TENM2: variants seen among roughly 807,000 people sequenced by gnomAD.
TENM2 encodes the protein teneurin transmembrane protein 2.
In TENM2, 52 loss-of-function variants were observed where a neutral mutation model predicts 245.2. The observed-to-expected ratio is 0.21, with a 90% CI of 0.17 to 0.27. TENM2 has a LOEUF of 0.27. Among genes scored for constraint, TENM2 ranks in the 10% least tolerant of loss-of-function variants. The probability of loss-of-function intolerance (pLI) is 1.00; values close to 1 mark genes in which losing one functional copy is unlikely to be tolerated. For synonymous variants in TENM2, 1,363 were observed against 1,438.9 expected, an observed-to-expected ratio of 0.95 and a Z score of 1.19; for missense variants, 3,046 against 3,666.8, an observed-to-expected ratio of 0.83 and a Z score of 4.37.
chr5:167,901,533 C>T (rs911966223), intron 3 of TENM2, among the ~76,000 whole-genome samples: 1 of 152,140 alleles, frequency 6.6e-6, no homozygotes. Flanking sequence ...GACTCCAACA[C>T]TTAACTAGCA....
chr5:167,094,833 T>C, the TENM2 span, among the ~76,000 whole-genome samples: 2 of 152,214 alleles, frequency 1.3e-5, no homozygotes, highest in Non-Finnish European at 2.9e-5. Context: ...TGAATTTCTC[T>C]GCAAAATGAA....
At position 168,261,902 on chromosome 5, in the gene TENM2, C is replaced by T. The variant is rs1768221139; in HGVS notation, c.7564-147C>T. On this transcript the variant is annotated intron_variant, in intron 28 of 28. Transcript: ENST00000518659. ...GTAATCAACCAGCCAACCATAGTTC[C>T]AAAAGGTAGGACTCCCAACAGCTCA... is the stretch of plus-strand genomic sequence containing the variant. The T allele has an allele frequency of 4.1e-6, 3 of 733,466 alleles. No individual in the cohort carries two copies. In the South Asian group the frequency reaches 5.9e-5, roughly 14 times the overall value. The allele number at this position is 733,466 out of a possible 1,614,324, so 45.4% of individuals were successfully genotyped here. A position where few individuals can be genotyped will look rare whatever the true frequency, so the allele number is the denominator to read the frequency against.
At chr5:167,876,286 G>C in intron 3 of TENM2, 91 bp downstream of exon 5, 1 of 1,111,670 alleles carries the variant, frequency 9.0e-7, no homozygotes, top group Non-Finnish European at 1.3e-6. Flanking sequence ...AACAAGGGCT[G>C]GGGGAAGGTG....
the TENM2 span, among the ~76,000 whole-genome samples, chr5:167,213,047 A>G: frequency 6.6e-5 from 10 of 152,258 alleles, no homozygotes; most frequent in African/African-American, 9.6e-5. Context: ...TTTTAAAGTT[A>G]GCAGACCAGA....
intron 2 of TENM2, among the ~76,000 whole-genome samples, chr5:167,778,545 G>GA (rs1763967392): frequency 6.6e-6 from 1 of 152,160 alleles, no homozygotes; most frequent in South Asian, 2.1e-4. Context: ...GTTTCAGCAA[G>GA]AGTGTTAGTG....
intron 2 of TENM2, among the ~76,000 whole-genome samples, chr5:167,513,840 A>G (rs1233348840): frequency 6.6e-6 from 1 of 152,192 alleles, no homozygotes; most frequent in Admixed American, 6.5e-5. Context: ...TAGCTGTGCT[A>G]TCGAGTTGGC....
chr5:167,510,367 A>G (rs1301438875), intron 2 of TENM2, among the ~76,000 whole-genome samples: 1 of 152,140 alleles, frequency 6.6e-6, no homozygotes, highest in African/African-American at 2.4e-5. Flanking sequence ...GCATTTTGTG[A>G]TGCTACTAGT....
chr5:167,714,087 G>A (rs1347358553), intron 2 of TENM2, among the ~76,000 whole-genome samples: 1 of 152,092 alleles, frequency 6.6e-6, no homozygotes, highest in African/African-American at 2.4e-5. Context: ...TCTGACTCAG[G>A]CTGTTCATGT....
intron 2 of TENM2, among the ~76,000 whole-genome samples, chr5:167,436,408 T>A (rs1352608667): frequency 6.6e-6 from 1 of 152,066 alleles, no homozygotes; most frequent in African/African-American, 2.4e-5. Flanking sequence ...AGCAAAGCAT[T>A]CAAGAGGTAA....
At chr5:167,056,784 TCTC>T in the TENM2 span, among the ~76,000 whole-genome samples, 765 of 149,770 alleles carry the variant, frequency 5.1e-3, 6 homozygotes, top group African/African-American at 0.017. Context: ...TTTTTTCTCT[TCTC>T]CTCCTCCTCC....
Position 167,996,782 on chromosome 5 carries a change from A to G in TENM2, c.1186+3600A>G, listed in dbSNP as rs372291755. 4.1e-4 allele frequency among the ~76,000 whole-genome samples: 63 copies of G among 152,216 alleles called. No homozygotes were observed. In the East Asian group the frequency reaches 0.011, roughly 28 times the overall value. On this transcript the variant is annotated intron_variant, in intron 5 of 28. Coordinates refer to ENST00000518659, the Ensembl canonical transcript of TENM2. The stretch of plus-strand genomic sequence containing the variant: ...GCCTCACTCCATTGTCCAGGTGCCC[A>G]GGCTGGAGTGCAGTAGCATGATCTC...
At chr5:167,992,816 C>A in intron 4 of TENM2, 128 bp from the exon 7 acceptor site, 1 of 672,858 alleles carries the variant, frequency 1.5e-6, no homozygotes. Flanking sequence ...GCCCCTTCTT[C>A]CACTCCAGGG....
At chr5:167,009,536 G>A in the TENM2 span, among the ~76,000 whole-genome samples, 1 of 152,120 alleles carries the variant, frequency 6.6e-6, no homozygotes, top group Non-Finnish European at 1.5e-5. Flanking sequence ...TCTGCATCTA[G>A]TTTGTAGCCC....
At chr5:168,121,783 G>A (rs1340659177) in intron 10 of TENM2, among the ~76,000 whole-genome samples, 6 of 151,702 alleles carry the variant, frequency 4.0e-5, no homozygotes, top group Middle Eastern at 3.4e-3. Context: ...GCTAATTATA[G>A]GTTAAGAACA....
the TENM2 span, among the ~76,000 whole-genome samples, chr5:167,036,073 G>A: frequency 6.6e-6 from 1 of 152,160 alleles, no homozygotes; most frequent in African/African-American, 2.4e-5. Flanking sequence ...GTCCTGCAAA[G>A]AAAGTTAAAC....
chr5:167,452,769 C>T (rs565072954), intron 2 of TENM2, among the ~76,000 whole-genome samples: 141 of 150,698 alleles, frequency 9.4e-4, no homozygotes, highest in African/African-American at 3.2e-3. Context: ...CATCACACAC[C>T]GTGGCCTGTT....
chr5:167,777,046 A>C (rs1007637502), intron 2 of TENM2, among the ~76,000 whole-genome samples: 1 of 152,278 alleles, frequency 6.6e-6, no homozygotes, highest in African/African-American at 2.4e-5. Context: ...CAAAACTGGC[A>C]TAAATAAGTT....
At chr5:167,182,276 G>C in the TENM2 span, among the ~76,000 whole-genome samples, 1 of 151,866 alleles carries the variant, frequency 6.6e-6, no homozygotes, top group Non-Finnish European at 1.5e-5. Context: ...AAATCCAATT[G>C]AGTAAATGTG....
At chr5:167,746,590 C>G (rs1393932586) in intron 2 of TENM2, among the ~76,000 whole-genome samples, 1 of 151,264 alleles carries the variant, frequency 6.6e-6, no homozygotes, top group Non-Finnish European at 1.5e-5. Context: ...AGAATCTGTG[C>G]CAAGACTTAA....
Sources: allele counts gnomAD v4.1 joint callset (sites outside exome capture counted in the v4.1 genomes callset), GRCh38; gene constraint gnomAD v4.1.1; transcripts MANE v1.5; gene names NCBI Gene and HGNC (gene_info 2026-07-23, HGNC 2026-07-21).